Variants in PLGRKT observed in about 807,000 individuals in gnomAD.
PLGRKT encodes plasminogen receptor with a C-terminal lysine, also known as plasminogen receptor (KT).
In PLGRKT, 22 loss-of-function variants were observed where a neutral mutation model predicts 18.5. The observed-to-expected ratio is 1.19, with a 90% CI of 0.85 to 1.70. PLGRKT has a LOEUF of 1.70. Among genes scored for constraint, PLGRKT ranks in the 40% most tolerant of loss-of-function variants. PLGRKT has a pLI of 0.00. For synonymous variants in PLGRKT, 72 were observed against 52.8 expected (o/e 1.36, Z -1.58); for missense variants, 235 against 174.4 (o/e 1.35, Z -1.96).
At chr9:5,376,871 G>A (rs1055957152) in intron 3 of PLGRKT, among the ~76,000 whole-genome samples, 10 of 152,178 alleles carry the variant, frequency 6.6e-5, no homozygotes, top group African/African-American at 1.9e-4. Flanking sequence ...ATGTATCTGA[G>A]GAGGTGAACC....
intron 3 of PLGRKT, among the ~76,000 whole-genome samples, chr9:5,363,067 C>G (rs1817302655): frequency 6.6e-6 from 1 of 151,878 alleles, no homozygotes; most frequent in African/African-American, 2.4e-5. Flanking sequence ...CAGAAGGTAA[C>G]TGCGGATTGA....
chr9:5,379,961 T>C (rs1000735132), intron 3 of PLGRKT, among the ~76,000 whole-genome samples: 4 of 152,228 alleles, frequency 2.6e-5, no homozygotes, highest in Non-Finnish European at 4.4e-5. Flanking sequence ...GACTATTCAA[T>C]ATAAACAGTA....
chr9:5,375,907 C>T (rs1719464617), intron 3 of PLGRKT, among the ~76,000 whole-genome samples: 1 of 152,208 alleles, frequency 6.6e-6, no homozygotes, highest in Non-Finnish European at 1.5e-5. Flanking sequence ...CACCTCCATT[C>T]ATAGCAGCAT....
At chr9:5,362,854 G>C (rs769980740) in intron 3 of PLGRKT, among the ~76,000 whole-genome samples, 3 of 152,096 alleles carry the variant, frequency 2.0e-5, no homozygotes, top group African/African-American at 7.2e-5. Context: ...GCCTCAGATG[G>C]GTTTGGGAAT....
At chr9:5,401,891 C>T (rs1298080310) in intron 3 of PLGRKT, among the ~76,000 whole-genome samples, 1 of 151,896 alleles carries the variant, frequency 6.6e-6, no homozygotes, top group Non-Finnish European at 1.5e-5. Context: ...TTGTAAAATC[C>T]ATGTAACGCA....
intron 3 of PLGRKT, among the ~76,000 whole-genome samples, chr9:5,364,462 A>C (rs1301306968): frequency 6.6e-6 from 1 of 152,198 alleles, no homozygotes; most frequent in Non-Finnish European, 1.5e-5. Flanking sequence ...AAAACTCATA[A>C]AACTTTACAG....
intron 3 of PLGRKT, among the ~76,000 whole-genome samples, chr9:5,374,935 A>G (rs982672328): frequency 6.6e-6 from 1 of 152,154 alleles, no homozygotes; most frequent in Non-Finnish European, 1.5e-5. Context: ...TAAATCTAAG[A>G]TTTCTACAGA....
At chr9:5,392,601 T>A (rs1358096768) in intron 3 of PLGRKT, 1 of 151,912 alleles carries the variant, frequency 6.6e-6, no homozygotes, top group East Asian at 1.9e-4. Flanking sequence ...ATACTAGCTG[T>A]GTGACCTCAG....
At chr9:5,381,638 A>T (rs1361204788) in intron 3 of PLGRKT, among the ~76,000 whole-genome samples, 1 of 152,156 alleles carries the variant, frequency 6.6e-6, no homozygotes, top group Non-Finnish European at 1.5e-5. Context: ...CACGGCTATA[A>T]ATAACTACCT....
At chr9:5,413,152 G>A (rs1224585212) in intron 3 of PLGRKT, among the ~76,000 whole-genome samples, 10 of 152,154 alleles carry the variant, frequency 6.6e-5, no homozygotes, top group African/African-American at 2.4e-4. Context: ...GAAGAGAAAC[G>A]TAGCAATATC....
intron 3 of PLGRKT, among the ~76,000 whole-genome samples, chr9:5,416,328 A>C (rs571906560): frequency 6.6e-6 from 1 of 152,314 alleles, no homozygotes; most frequent in South Asian, 2.1e-4. Flanking sequence ...AGTAGAAACA[A>C]GACATGTAGA....
chr9:5,411,190 C>T (rs1257791135), intron 3 of PLGRKT, among the ~76,000 whole-genome samples: 1 of 151,906 alleles, frequency 6.6e-6, no homozygotes, highest in African/African-American at 2.4e-5. Flanking sequence ...TTGAGATCAG[C>T]CTGGCCAATA....
At chr9:5,430,330 T>A (rs1818796797) in intron 3 of PLGRKT, among the ~76,000 whole-genome samples, 1 of 152,230 alleles carries the variant, frequency 6.6e-6, no homozygotes, top group African/African-American at 2.4e-5. Flanking sequence ...AAGGACGTGC[T>A]AAGCATCGGA....
At chr9:5,360,457 A>G (rs992451481) in intron 5 of PLGRKT, among the ~76,000 whole-genome samples, 6 of 152,210 alleles carry the variant, frequency 3.9e-5, no homozygotes, top group Non-Finnish European at 7.3e-5. Flanking sequence ...GTGTCCCAAT[A>G]AAACTTTATT....
intron 3 of PLGRKT, among the ~76,000 whole-genome samples, chr9:5,400,758 A>C (rs1395124433): frequency 6.6e-6 from 1 of 152,054 alleles, no homozygotes. Context: ...TGAATAAGTA[A>C]ACCAGTATTA....
At chr9:5,432,990 G>A (rs1030154137) in intron 2 of PLGRKT, among the ~76,000 whole-genome samples, 16 of 150,516 alleles carry the variant, frequency 1.1e-4, no homozygotes, top group African/African-American at 3.4e-4. Flanking sequence ...CTGCCCGGCC[G>A]CCACCCCGTC....
intron 3 of PLGRKT, among the ~76,000 whole-genome samples, chr9:5,416,872 G>A (rs764321235): frequency 2.0e-5 from 3 of 152,170 alleles, no homozygotes; most frequent in Non-Finnish European, 4.4e-5. Flanking sequence ...TTTATTAACT[G>A]TTCTACTTTC....
intron 3 of PLGRKT, among the ~76,000 whole-genome samples, chr9:5,368,960 G>C (rs1026070330): frequency 6.6e-6 from 1 of 152,110 alleles, no homozygotes; most frequent in Non-Finnish European, 1.5e-5. Context: ...ATTCACTCAA[G>C]ATGGATTAAA....
intron 3 of PLGRKT, among the ~76,000 whole-genome samples, chr9:5,398,059 G>C (rs1378992890): frequency 6.6e-6 from 1 of 151,954 alleles, no homozygotes; most frequent in East Asian, 1.9e-4. Flanking sequence ...CTGAGGACTA[G>C]AGCAGGTAGA....
Sources: gnomAD v4.1 joint callset for allele counts (sites outside exome capture counted in the v4.1 genomes callset) on GRCh38, gnomAD v4.1.1 for gene constraint, MANE v1.5 for transcripts, NCBI Gene and HGNC (gene_info 2026-07-23, HGNC 2026-07-21) for gene names.